GNAQ: variants seen among roughly 807,000 people sequenced by gnomAD.
The protein encoded by GNAQ is G protein subunit alpha q.
GNAQ carries 8 observed loss-of-function variants against 43.9 expected under a neutral mutation model. The observed-to-expected ratio is 0.18, with a 90% confidence interval of 0.11 to 0.33. The LOEUF (loss-of-function observed/expected upper bound fraction) is 0.33, where lower values mean the gene tolerates loss of function less well. GNAQ is among the 10% of genes least tolerant of loss of function. GNAQ has a pLI of 1.00. For synonymous variants in GNAQ, 155 were observed against 170.7 expected, an observed-to-expected ratio of 0.91 and a Z score of 0.71; for missense variants, 158 against 450.8, an observed-to-expected ratio of 0.35 and a Z score of 5.88.
At chr9:77,821,479 T>C (rs1827111536) in intron 2 of GNAQ, among the ~76,000 whole-genome samples, 1 of 152,192 alleles carries the variant, frequency 6.6e-6, no homozygotes, top group South Asian at 2.1e-4. Flanking sequence ...CATTTTCCTT[T>C]TTCATGTTTG....
In GNAQ at chr9:77,717,185, T is replaced by A. The variant is rs1825239144; in HGVS notation, c.*4138A>T. 1 of 232,178 alleles carries A rather than the reference T, an allele frequency of 4.3e-6. No homozygotes were observed. Among genetic ancestry groups the A allele is most frequent in the Admixed American group, 5.6e-5 (1 of 17,764 alleles). The allele number at this position is 232,178 out of a possible 1,614,324, so 14.4% of individuals were successfully genotyped here. A position where few individuals can be genotyped will look rare whatever the true frequency, so the allele number is the denominator to read the frequency against. On this transcript the variant is annotated 3_prime_UTR_variant, in exon 7 of 7. Transcript: ENST00000286548. ...AACATACAATATTACTAGTTTTATT[T>A]TTTTGTGTTTCTAACCAAAGATATA... is the stretch of plus-strand genomic sequence containing the variant.
intron 1 of GNAQ, among the ~76,000 whole-genome samples, chr9:77,948,309 C>T (rs1822930278): frequency 6.6e-6 from 1 of 152,162 alleles, no homozygotes; most frequent in East Asian, 1.9e-4. Context: ...AGAATTGCAT[C>T]CAAATCTTGC....
chr9:77,992,681 T>C (rs1337650457), intron 1 of GNAQ, among the ~76,000 whole-genome samples: 1 of 152,180 alleles, frequency 6.6e-6, no homozygotes, highest in Admixed American at 6.6e-5. Context: ...TGGTGGCTCA[T>C]GCCTGTAATC....
intron 5 of GNAQ, among the ~76,000 whole-genome samples, chr9:77,784,284 T>C (rs920482351): frequency 1.3e-5 from 2 of 152,174 alleles, no homozygotes; most frequent in African/African-American, 4.8e-5. Context: ...ATATTTTACA[T>C]GTATTTTTAT....
rs529595953 is a variant in GNAQ at position 77,719,097 on chromosome 9, C to T, written c.*2226G>A. 11 of 231,380 alleles carry T rather than the reference C, an allele frequency of 4.8e-5. No individual in the cohort carries two copies. The highest frequency in any genetic ancestry group is 1.8e-4 in the South Asian group (1 of 5,504). The allele number at this position is 231,380 out of a possible 1,614,324, so 14.3% of individuals were successfully genotyped here. A position where few individuals can be genotyped will look rare whatever the true frequency, so the allele number is the denominator to read the frequency against. On this transcript the variant is annotated 3_prime_UTR_variant, in exon 7 of 7. Coordinates refer to ENST00000286548, the MANE Select transcript of GNAQ (RefSeq NM_002072.5). ...ATTTTATACAGCACGACGCTAGTACCGCTCTGTATGACAGTAAGGTTTTTT... is the reference window on the plus strand; with the variant it reads ...ATTTTATACAGCACGACGCTAGTACTGCTCTGTATGACAGTAAGGTTTTTT...
At chr9:77,779,441 C>A (rs1485448490) in intron 5 of GNAQ, among the ~76,000 whole-genome samples, 2 of 151,520 alleles carry the variant, frequency 1.3e-5, no homozygotes, top group Non-Finnish European at 3.0e-5. Context: ...GTATTAAATG[C>A]AAATATTAGA....
intron 1 of GNAQ, among the ~76,000 whole-genome samples, chr9:77,976,386 TTTTG>T (rs1823302758): frequency 1.4e-5 from 2 of 146,634 alleles, no homozygotes. Context: ...TTTGGTTTTT[TTTTG>T]TTTTTGTTTT....
rs372073168 is a variant in GNAQ at position 77,728,608 on chromosome 9, C to G, written c.795G>C (p.Gln265His). The change falls in exon 6 of 7, where the codon CAG becomes CAC. Residue 265 changes from glutamine (Q) to histidine (H), a missense_variant. Around this residue, in one of 9 missense-constraint regions of GNAQ, gnomAD observed 56 missense variants for 172.2 expected, o/e 0.33. Transcript: ENST00000286548. ...FRTIITYPWF[Q>H]NSSVILFLNK... ...TTAAGAACAGAATAACCGAGGAGTT[C>G]TGGAACCAGGGGTATGTGATAATTG... 1 of 1,599,230 alleles carries G rather than the reference C, an allele frequency of 6.3e-7. No homozygotes were observed. The highest frequency in any genetic ancestry group is 8.6e-7 in the Non-Finnish European group (1 of 1,167,386).
chr9:77,825,208 T>C (rs980217467), intron 2 of GNAQ, among the ~76,000 whole-genome samples: 1 of 152,160 alleles, frequency 6.6e-6, no homozygotes, highest in Non-Finnish European at 1.5e-5. Flanking sequence ...TTTTCAAGTT[T>C]CTAAAAAAAC....
intron 3 of GNAQ, among the ~76,000 whole-genome samples, chr9:77,800,467 G>GCC (rs1184289374): frequency 6.6e-6 from 1 of 151,750 alleles, no homozygotes; most frequent in East Asian, 1.9e-4. Flanking sequence ...GTAAACTATC[G>GCC]CAAGAACAAA....
chr9:77,980,657 A>C (rs1235258658), intron 1 of GNAQ, among the ~76,000 whole-genome samples: 2 of 139,174 alleles, frequency 1.4e-5, no homozygotes, highest in Non-Finnish European at 3.2e-5. Flanking sequence ...ATACCACTTT[A>C]CTAGTTTAAA....
intron 2 of GNAQ, among the ~76,000 whole-genome samples, chr9:77,884,502 G>A (rs949232368): frequency 3.3e-5 from 5 of 152,190 alleles, no homozygotes; most frequent in South Asian, 4.1e-4. Context: ...ACAAAAGTGC[G>A]ACTTCCCATA....
chr9:77,976,539 C>T (rs996276307), intron 1 of GNAQ, among the ~76,000 whole-genome samples: 1 of 152,058 alleles, frequency 6.6e-6, no homozygotes, highest in African/African-American at 2.4e-5. Flanking sequence ...ATTACAGGCA[C>T]GCGCTGCCAC....
intron 2 of GNAQ, among the ~76,000 whole-genome samples, chr9:77,842,567 A>G (rs1827509184): frequency 1.3e-5 from 2 of 152,188 alleles, no homozygotes; most frequent in African/African-American, 4.8e-5. Context: ...GCTTTGTTGA[A>G]GACTGCCTAG....
chr9:78,029,693 G>A (rs1289869420), intron 1 of GNAQ, among the ~76,000 whole-genome samples: 2 of 152,184 alleles, frequency 1.3e-5, no homozygotes, highest in Admixed American at 6.5e-5. Context: ...GCTTGTAAAT[G>A]ATCCAGTACA....
intron 1 of GNAQ, among the ~76,000 whole-genome samples, chr9:78,014,761 C>T (rs1343634966): frequency 6.6e-6 from 1 of 151,994 alleles, no homozygotes; most frequent in African/African-American, 2.4e-5. Context: ...AAAGGTAATG[C>T]GGTAATGACA....
chr9:77,859,629 T>G (rs183880954), intron 2 of GNAQ, among the ~76,000 whole-genome samples: 67 of 152,320 alleles, frequency 4.4e-4, no homozygotes, highest in Admixed American at 1.4e-3. Flanking sequence ...GACCCGGAGT[T>G]GTAAGAAGAT....
chr9:77,889,410 C>CAAAAAAAAAAAAAAAAAA (rs58496646), intron 2 of GNAQ, among the ~76,000 whole-genome samples: 12 of 48,064 alleles, frequency 2.5e-4, no homozygotes, highest in South Asian at 1.3e-3. Flanking sequence ...GACCCTGTCT[C>CAAAAAAAAAAAAAAAAAA]AAAAAAAAAA....
intron 2 of GNAQ, among the ~76,000 whole-genome samples, chr9:77,890,237 A>G (rs1828380090): frequency 6.6e-6 from 1 of 152,230 alleles, no homozygotes; most frequent in Non-Finnish European, 1.5e-5. Flanking sequence ...AGAATCCTCC[A>G]CAGTACTTCT....
Sources: gnomAD v4.1 joint callset for allele counts (sites outside exome capture counted in the v4.1 genomes callset) on GRCh38, gnomAD v4.1.1 for gene constraint, gnomAD v4.1.1 regional missense constraint, MANE v1.5 for transcripts, NCBI Gene and HGNC (gene_info 2026-07-23, HGNC 2026-07-21) for gene names.